The following CACNA1A variants were observed in gnomAD, a reference collection of about 807,000 sequenced individuals.
The protein encoded by CACNA1A is calcium voltage-gated channel subunit alpha1 A.
A neutral mutation model predicts 262.4 loss-of-function variants in CACNA1A; 57 were observed. The observed-to-expected ratio is 0.22, with a 90% CI of 0.18 to 0.27. The LOEUF (loss-of-function observed/expected upper bound fraction) is 0.27. Ranked by LOEUF, CACNA1A falls within the 10% of genes least tolerant of loss-of-function variation. The probability of loss-of-function intolerance (pLI) is 1.00; values close to 1 mark genes in which losing one functional copy is unlikely to be tolerated. For synonymous variants in CACNA1A, 1,431 were observed against 1,419.3 expected, an observed-to-expected ratio of 1.01 and a Z score of -0.18; for missense variants, 2,526 against 3,562.8, an observed-to-expected ratio of 0.71 and a Z score of 7.41.
At chr19:13,225,214 C>T (rs866153046) in intron 37 of CACNA1A, 72 of 175,296 alleles carry the variant, frequency 4.1e-4, no homozygotes, top group African/African-American at 1.5e-3. Flanking sequence ...TGGCTCCCCA[C>T]ACCCAATCCC....
intron 24 of CACNA1A, chr19:13,271,701 C>A (rs1003455469): frequency 1.3e-5 from 2 of 151,848 alleles, no homozygotes; most frequent in African/African-American, 4.8e-5. Flanking sequence ...CTTTGTAGGT[C>A]ATTCCCCTCC....
At chr19:13,464,486 T>C (rs1344837793) in intron 1 of CACNA1A, among the ~76,000 whole-genome samples, 2 of 151,846 alleles carry the variant, frequency 1.3e-5, no homozygotes, top group Non-Finnish European at 2.9e-5. Flanking sequence ...ATTGTAATCA[T>C]GCAATAAATG....
At chr19:13,350,287 C>T (rs763264936) in intron 6 of CACNA1A, among the ~76,000 whole-genome samples, 7 of 152,100 alleles carry the variant, frequency 4.6e-5, no homozygotes, top group Non-Finnish European at 1.0e-4. Context: ...GAGCCAGACA[C>T]GGATGGTGAG....
At chr19:13,209,041 G>A in intron 45 of CACNA1A, 32 bp from the exon 46 acceptor site, 2 of 1,536,740 alleles carry the variant, frequency 1.3e-6, no homozygotes, top group South Asian at 1.2e-5. Context: ...CAGACACACA[G>A]GTGGTCGTGA....
At chr19:13,348,966 C>T (rs2058847430) in intron 6 of CACNA1A, among the ~76,000 whole-genome samples, 1 of 143,918 alleles carries the variant, frequency 6.9e-6, no homozygotes, top group African/African-American at 2.6e-5. Context: ...CGAGATTGCG[C>T]CACTGCACTC....
At chr19:13,395,291 GAAAAGA>G (rs1045163093) in intron 3 of CACNA1A, among the ~76,000 whole-genome samples, 1,331 of 112,394 alleles carry the variant, frequency 0.012, 20 homozygotes, top group African/African-American at 0.041. Flanking sequence ...AAAAAAAAAA[GAAAAGA>G]AAAAGAAAAA....
intron 38 of CACNA1A, among the ~76,000 whole-genome samples, chr19:13,219,960 A>AG (rs1568431453): frequency 1.2e-5 from 1 of 85,200 alleles, no homozygotes; most frequent in Admixed American, 1.5e-4. Context: ...AAAAAAAAAA[A>AG]AAAAAAGAAA....
intron 1 of CACNA1A, among the ~76,000 whole-genome samples, chr19:13,498,644 T>C (rs1981974805): frequency 6.6e-6 from 1 of 152,204 alleles, no homozygotes; most frequent in Non-Finnish European, 1.5e-5. Context: ...ACTCAGGCAT[T>C]TCCCTTCATA....
chr19:13,486,610 A>G (rs1219749127), intron 1 of CACNA1A, among the ~76,000 whole-genome samples: 1 of 152,196 alleles, frequency 6.6e-6, no homozygotes, highest in Non-Finnish European at 1.5e-5. Flanking sequence ...GGAGAGACAG[A>G]AAAAAGAAAA....
chr19:13,449,975 T>G (rs1484144440), intron 3 of CACNA1A, among the ~76,000 whole-genome samples: 1 of 151,992 alleles, frequency 6.6e-6, no homozygotes, highest in East Asian at 1.9e-4. Context: ...AACCCGTCTC[T>G]ACTAAAAATA....
chr19:13,455,557 G>A lies in CACNA1A; in HGVS notation c.294-345C>T, dbSNP rs374957545. On this transcript the variant is annotated intron_variant, in intron 1 of 46. Transcript: ENST00000360228. The stretch of plus-strand genomic sequence containing the variant: ...AGGAGAAGCTTCCTCCTGCTTCCCA[G>A]AGGAGAAGCAAATAAATGAGATGAC... 3.3e-5 allele frequency among the ~76,000 whole-genome samples: 5 copies of A among 152,198 alleles called. No individual in the cohort carries two copies. In the South Asian group the frequency reaches 8.3e-4, roughly 25 times the overall value.
chr19:13,453,042 C>A (rs377265304), intron 2 of CACNA1A, 27 bp from the exon 3 acceptor site: 2 of 1,613,410 alleles, frequency 1.2e-6, no homozygotes, highest in South Asian at 2.2e-5. Context: ...GCAAGGTCAG[C>A]GTCTTGGGCT....
chr19:13,380,684 A>G (rs1296948776), intron 3 of CACNA1A, among the ~76,000 whole-genome samples: 1 of 149,872 alleles, frequency 6.7e-6, no homozygotes, highest in African/African-American at 2.4e-5. Flanking sequence ...AAAATTTGCT[A>G]GTAGCCACAT....
intron 6 of CACNA1A, among the ~76,000 whole-genome samples, chr19:13,336,594 G>GGGGAGAGAGGGAGAGAGAGAGA (rs1555768097): frequency 1.5e-5 from 1 of 65,494 alleles, no homozygotes. Flanking sequence ...AGAGAGAGAG[G>GGGGAGAGAGGGAGAGAGAGAGA]GAGAGAGAGA....
At chr19:13,304,977 A>G (rs2057871981) in intron 15 of CACNA1A, among the ~76,000 whole-genome samples, 1 of 152,244 alleles carries the variant, frequency 6.6e-6, no homozygotes, top group Non-Finnish European at 1.5e-5. Flanking sequence ...CTACGTGGAT[A>G]GCACAAATGT....
At chr19:13,331,694 G>A (rs1444413961) in intron 9 of CACNA1A, among the ~76,000 whole-genome samples, 1 of 151,550 alleles carries the variant, frequency 6.6e-6, no homozygotes, top group African/African-American at 2.4e-5. Flanking sequence ...TTTTGAAACA[G>A]GGTCTCACTC....
At chr19:13,341,182 C>T (rs533834682) in intron 6 of CACNA1A, among the ~76,000 whole-genome samples, 4 of 152,178 alleles carry the variant, frequency 2.6e-5, no homozygotes, top group South Asian at 2.1e-4. Context: ...GAGATGAAGG[C>T]GGGATCAGGG....
rs894969402 is a variant in CACNA1A, at chr19:13,308,582, T to C, written c.1669-54A>G. ...AGGGACAGTGTCTGGGCTCCAGAACTGGCAAGCATTTCCTAGGTACCAACC... is the reference window on the plus strand; with the variant it reads ...AGGGACAGTGTCTGGGCTCCAGAACCGGCAAGCATTTCCTAGGTACCAACC... On this transcript the variant is annotated intron_variant, in intron 12 of 46. Transcript: ENST00000360228. This position sits in a 1 kb window ranked among gnomAD's most constrained non-coding sequence, Gnocchi z 4.2. 12 of 1,163,142 alleles carry C rather than the reference T, an allele frequency of 1.0e-5. No homozygotes were observed. The allele number at this position is 1,163,142 out of a possible 1,614,324, so 72.1% of individuals were successfully genotyped here.
intron 6 of CACNA1A, among the ~76,000 whole-genome samples, chr19:13,336,909 T>C (rs1217377291): frequency 6.6e-6 from 1 of 152,226 alleles, no homozygotes; most frequent in Non-Finnish European, 1.5e-5. Context: ...AAGCCTTGCC[T>C]CCAGCTGTCA....
Sources: allele counts gnomAD v4.1 joint callset (sites outside exome capture counted in the v4.1 genomes callset), GRCh38; gene constraint gnomAD v4.1.1; non-coding constraint Gnocchi (gnomAD v3.1); transcripts MANE v1.5; gene names NCBI Gene and HGNC (gene_info 2026-07-23, HGNC 2026-07-21).